ANKRD44: variants seen among roughly 807,000 people sequenced by gnomAD.
ANKRD44 encodes serine/threonine-protein phosphatase 6 regulatory ankyrin repeat subunit B.
A neutral mutation model predicts 116.0 loss-of-function variants in ANKRD44; 35 were observed. The ratio of observed to expected loss-of-function variants is 0.30; its 90% CI spans 0.23 to 0.40. ANKRD44 has a LOEUF of 0.40. Ranked by LOEUF, ANKRD44 falls within the 10% of genes least tolerant of loss-of-function variation. The probability of loss-of-function intolerance (pLI) is 1.00; values close to 1 mark genes in which losing one functional copy is unlikely to be tolerated. For synonymous variants in ANKRD44, 435 were observed against 461.8 expected, an observed-to-expected ratio of 0.94 and a Z score of 0.74; for missense variants, 1,014 against 1,242.6, an observed-to-expected ratio of 0.82 and a Z score of 2.77.
intron 13 of ANKRD44, among the ~76,000 whole-genome samples, chr2:197,086,057 AG>A (rs2077915067): frequency 6.6e-6 from 1 of 152,134 alleles, no homozygotes; most frequent in African/African-American, 2.4e-5. Context: ...GGCGGGTAGG[AG>A]TTGCCTTAGA....
At chr2:197,182,003 G>A (rs1267419654) in intron 2 of ANKRD44, among the ~76,000 whole-genome samples, 2 of 152,170 alleles carry the variant, frequency 1.3e-5, no homozygotes, top group Non-Finnish European at 2.9e-5. Context: ...GCGTCACTTT[G>A]TCTCTGTCCC....
chr2:197,048,635 T>G (rs10931769), intron 16 of ANKRD44, among the ~76,000 whole-genome samples: 22,267 of 152,232 alleles, frequency 0.15, 1,971 homozygotes, highest in Admixed American at 0.19. Context: ...TTGTGAATAG[T>G]GCCGCAATAA....
intron 26 of ANKRD44, chr2:196,994,410 T>A (rs1324596930): frequency 6.6e-6 from 1 of 152,320 alleles, no homozygotes; most frequent in Admixed American, 6.5e-5. Flanking sequence ...GGTCTCAAAC[T>A]CCCGGGCTCA....
At chr2:197,288,578 T>C (rs906638398) in intron 1 of ANKRD44, among the ~76,000 whole-genome samples, 2 of 152,094 alleles carry the variant, frequency 1.3e-5, no homozygotes, top group African/African-American at 2.4e-5. Flanking sequence ...AGTTATGGAA[T>C]CTAAGTGTCC....
chr2:196,981,233 C>T (rs1346953991), intron 21 of ANKRD44, among the ~76,000 whole-genome samples: 2 of 152,118 alleles, frequency 1.3e-5, no homozygotes, highest in African/African-American at 4.8e-5. Flanking sequence ...TCTTCCTTAC[C>T]CAGTTTAGAA....
chr2:197,303,244 T>C (rs2083966585), intron 1 of ANKRD44, among the ~76,000 whole-genome samples: 1 of 152,220 alleles, frequency 6.6e-6, no homozygotes, highest in Admixed American at 6.5e-5. Flanking sequence ...TTCCACAAGA[T>C]GAGAAAAGAC....
At chr2:197,235,389 G>A (rs753465151) in intron 1 of ANKRD44, among the ~76,000 whole-genome samples, 2 of 152,138 alleles carry the variant, frequency 1.3e-5, no homozygotes, top group African/African-American at 2.4e-5. Context: ...GGCTGAGGGG[G>A]CAGATCACTT....
chr2:197,030,602 T>C (rs1042665249), intron 16 of ANKRD44, among the ~76,000 whole-genome samples: 83 of 152,300 alleles, frequency 5.4e-4, no homozygotes, highest in African/African-American at 1.9e-3. Context: ...TTCCTGATCA[T>C]GGGGCAGAGG....
intron 1 of ANKRD44, among the ~76,000 whole-genome samples, chr2:197,274,720 C>T (rs147298819): frequency 6.6e-6 from 1 of 152,272 alleles, no homozygotes; most frequent in Non-Finnish European, 1.5e-5. Context: ...CAACCTGCAC[C>T]AAAGCCCTTT....
intron 16 of ANKRD44, among the ~76,000 whole-genome samples, chr2:197,062,756 C>CAGCA: frequency 6.6e-6 from 1 of 152,344 alleles, no homozygotes; most frequent in Non-Finnish European, 1.5e-5. Flanking sequence ...TGCAAGGTGG[C>CAGCA]AGCAAGGCTG....
intron 16 of ANKRD44, among the ~76,000 whole-genome samples, chr2:197,048,172 C>A (rs1420662098): frequency 1.3e-5 from 2 of 151,898 alleles, no homozygotes; most frequent in African/African-American, 4.8e-5. Context: ...TCTAAATAGA[C>A]CTATTTTTAA....
intron 2 of ANKRD44, among the ~76,000 whole-genome samples, chr2:197,167,237 CTTT>C (rs2080119844): frequency 6.6e-6 from 1 of 151,998 alleles, no homozygotes; most frequent in Admixed American, 6.6e-5. Flanking sequence ...AAAAAAAAGT[CTTT>C]TTGAACACAT....
intron 1 of ANKRD44, among the ~76,000 whole-genome samples, chr2:197,267,265 A>T (rs1211489877): frequency 6.6e-6 from 1 of 152,216 alleles, no homozygotes. Context: ...GTGTCTTTTA[A>T]AATGCTAAAA....
At chr2:197,204,180 G>A (rs1312041463) in intron 1 of ANKRD44, among the ~76,000 whole-genome samples, 3 of 152,130 alleles carry the variant, frequency 2.0e-5, no homozygotes, top group Non-Finnish European at 2.9e-5. Flanking sequence ...TTAATGAGAT[G>A]AGGAAAATGT....
chr2:197,061,044 G>C (rs1255072746), intron 16 of ANKRD44, among the ~76,000 whole-genome samples: 1 of 152,062 alleles, frequency 6.6e-6, no homozygotes, highest in Non-Finnish European at 1.5e-5. Flanking sequence ...ATATATATCT[G>C]GAAGATATGT....
intron 6 of ANKRD44, among the ~76,000 whole-genome samples, chr2:197,123,494 G>T (rs984289871): frequency 3.9e-5 from 6 of 152,198 alleles, no homozygotes. Context: ...AGTTGGGCAT[G>T]GTGGCACATG....
chr2:197,090,691 A>T (rs1322392810), intron 10 of ANKRD44, among the ~76,000 whole-genome samples: 2 of 152,010 alleles, frequency 1.3e-5, no homozygotes, highest in Non-Finnish European at 2.9e-5. Flanking sequence ...TTCCCACTCA[A>T]ATGTTGCCTT....
At chr2:197,241,023 T>C (rs1261519164) in intron 1 of ANKRD44, among the ~76,000 whole-genome samples, 1 of 151,996 alleles carries the variant, frequency 6.6e-6, no homozygotes. Flanking sequence ...AATCTTGTAA[T>C]GCAGCCCACA....
intron 14 of ANKRD44, among the ~76,000 whole-genome samples, chr2:197,082,692 C>A (rs1209579020): frequency 6.6e-6 from 1 of 152,190 alleles, no homozygotes; most frequent in Non-Finnish European, 1.5e-5. Context: ...CACAAGGCAG[C>A]AAATAATTCA....
Sources: gnomAD v4.1 joint callset for allele counts (sites outside exome capture counted in the v4.1 genomes callset) on GRCh38, gnomAD v4.1.1 for gene constraint, MANE v1.5 for transcripts, NCBI Gene and HGNC (gene_info 2026-07-23, HGNC 2026-07-21) for gene names.